Variants in GRIK3 observed in about 807,000 individuals in gnomAD.
GRIK3 encodes the protein glutamate receptor ionotropic, kainate 3.
In GRIK3, 29 loss-of-function variants were observed where a neutral mutation model predicts 102.5. That is an observed-to-expected ratio of 0.28 (90% CI 0.21 to 0.39). The LOEUF (loss-of-function observed/expected upper bound fraction) is 0.39, where lower values mean the gene tolerates loss of function less well. GRIK3 is among the 10% of genes least tolerant of loss of function. The pLI is 1.00. For missense variants in GRIK3, 908 were observed against 1,252.4 expected (o/e 0.73, Z 4.15); for synonymous variants, 511 against 504.9 (o/e 1.01, Z -0.16).
intron 1 of GRIK3, among the ~76,000 whole-genome samples, chr1:36,999,114 A>T (rs1250553495): frequency 1.3e-5 from 2 of 151,964 alleles, no homozygotes; most frequent in Non-Finnish European, 2.9e-5. Context: ...CATGGAGTAG[A>T]GTGGAAGGTT....
intron 1 of GRIK3, among the ~76,000 whole-genome samples, chr1:37,006,184 C>T (rs949106727): frequency 2.0e-5 from 3 of 152,172 alleles, no homozygotes; most frequent in Admixed American, 6.5e-5. Context: ...GGGTCTCCTG[C>T]TAAATGCACA....
At chr1:36,986,701 C>A (rs562217282) in intron 1 of GRIK3, among the ~76,000 whole-genome samples, 1 of 152,318 alleles carries the variant, frequency 6.6e-6, no homozygotes, top group South Asian at 2.1e-4. Flanking sequence ...TGAAGCACAT[C>A]TGCCAAAGCC....
chr1:36,910,106 C>A (rs1641329010), intron 1 of GRIK3, among the ~76,000 whole-genome samples: 1 of 152,176 alleles, frequency 6.6e-6, no homozygotes, highest in Non-Finnish European at 1.5e-5. Context: ...ACTCTGTGCT[C>A]TTAAATTTAG....
chr1:36,855,502 C>A (rs1219201421), intron 7 of GRIK3, among the ~76,000 whole-genome samples: 1 of 152,222 alleles, frequency 6.6e-6, no homozygotes, highest in Non-Finnish European at 1.5e-5. Flanking sequence ...CAAACTCAGG[C>A]AGTGGGGCTG....
At chr1:36,941,104 C>T (rs1641714390) in intron 1 of GRIK3, among the ~76,000 whole-genome samples, 1 of 152,104 alleles carries the variant, frequency 6.6e-6, no homozygotes, top group Non-Finnish European at 1.5e-5. Context: ...CTTCTCTATC[C>T]CAAAAATGAC....
chr1:36,876,428 C>T lies in GRIK3; in HGVS notation c.551-4059G>A, dbSNP rs191971718. ...TCTGTATGCCACCTACTGCATGCTC[C>T]GAGCTTCAGCAGCCCTATTGTGACT... On this transcript the variant is annotated intron_variant, in intron 3 of 15. Transcript: ENST00000373091. 2.2e-4 allele frequency among the ~76,000 whole-genome samples: 33 copies of T among 152,236 alleles called. 1 individual carries two copies. The South Asian group carries it at 4.6e-3, about 21-fold the overall frequency.
At chr1:36,831,151 C>T (rs572193119) in intron 10 of GRIK3, among the ~76,000 whole-genome samples, 5 of 152,222 alleles carry the variant, frequency 3.3e-5, no homozygotes, top group African/African-American at 1.2e-4. Context: ...CTGTCCCCAC[C>T]CCAGCACCTG....
intron 1 of GRIK3, among the ~76,000 whole-genome samples, chr1:36,993,858 G>C (rs544577351): frequency 6.8e-4 from 104 of 152,340 alleles, no homozygotes; most frequent in African/African-American, 2.5e-3. Flanking sequence ...ACTCACCTCT[G>C]CAGGGCAATA....
intron 10 of GRIK3, among the ~76,000 whole-genome samples, chr1:36,834,958 C>A (rs1640355350): frequency 6.6e-6 from 1 of 152,232 alleles, no homozygotes; most frequent in Non-Finnish European, 1.5e-5. Flanking sequence ...GCCTAATAGT[C>A]ACTTCCTCAG....
At chr1:36,978,677 G>A (rs1642218911) in intron 1 of GRIK3, among the ~76,000 whole-genome samples, 1 of 152,132 alleles carries the variant, frequency 6.6e-6, no homozygotes, top group African/African-American at 2.4e-5. Context: ...CTATCAACTG[G>A]GGCAAGGAGG....
chr1:36,860,541 C>T (rs907189751), intron 5 of GRIK3, among the ~76,000 whole-genome samples: 4 of 152,226 alleles, frequency 2.6e-5, no homozygotes, highest in Non-Finnish European at 4.4e-5. Context: ...AGGACCTCCT[C>T]ATCCCTTGCC....
chr1:36,799,322 TTGTC>T lies in GRIK3; in HGVS notation c.*2525_*2528del, dbSNP rs1469558765. The T allele has an allele frequency of 2.0e-5, 3 of 152,200 alleles. No individual in the cohort carries two copies. The highest frequency in any genetic ancestry group is 4.4e-5 in the Non-Finnish European group (3 of 68,082). The allele number at this position is 152,200 out of a possible 1,614,324, so 9.4% of individuals were successfully genotyped here. A position where few individuals can be genotyped will look rare whatever the true frequency, so the allele number is the denominator to read the frequency against. ...AGACCCTGGTGCCCGGCCTTCCTGA[TTGTC>T]TGTCTTTGCTTCCACTGTGACCTGG... On this transcript the variant is annotated 3_prime_UTR_variant, in exon 16 of 16. Transcript: ENST00000373091.
At chr1:36,835,636 G>A (rs1002749346) in intron 10 of GRIK3, among the ~76,000 whole-genome samples, 7 of 152,160 alleles carry the variant, frequency 4.6e-5, no homozygotes, top group African/African-American at 9.7e-5. Flanking sequence ...AGGCTCCCAG[G>A]CTGAGACATT....
chr1:36,808,833 A>G (rs2124180586), intron 13 of GRIK3, among the ~76,000 whole-genome samples: 1 of 152,354 alleles, frequency 6.6e-6, no homozygotes, highest in Middle Eastern at 3.4e-3. Context: ...ACATAGTCAC[A>G]TAAGCGACTT....
intron 1 of GRIK3, among the ~76,000 whole-genome samples, chr1:36,995,771 C>T (rs916721264): frequency 6.6e-6 from 1 of 152,208 alleles, no homozygotes; most frequent in African/African-American, 2.4e-5. Context: ...CCGTCTCAGG[C>T]CATGGAACCC....
chr1:37,029,695 G>A (rs1642800414), intron 1 of GRIK3, among the ~76,000 whole-genome samples: 1 of 152,236 alleles, frequency 6.6e-6, no homozygotes, highest in Admixed American at 6.5e-5. Flanking sequence ...ACTGTTTCCT[G>A]GGACAGGCAC....
At position 37,017,725 on chromosome 1, in the gene GRIK3, G is replaced by GT. The variant is rs1460079163; in HGVS notation, c.115+16268dup. Among the ~76,000 whole-genome samples the GT allele has an allele frequency of 1.5e-4, 23 of 152,216 alleles. No individual in the cohort carries two copies. The South Asian group carries it at 3.9e-3, about 26-fold the overall frequency. ...TAGCCAGCTTTGCTTGCTTTTAGCT[G>GT]TTTTTTTAAAAAGACTCTCTCCAAC... On this transcript the variant is annotated intron_variant, in intron 1 of 15. Coordinates refer to ENST00000373091, the MANE Select transcript of GRIK3 (RefSeq NM_000831.4).
chr1:36,966,772 C>A (rs544931633), intron 1 of GRIK3, among the ~76,000 whole-genome samples: 3 of 151,906 alleles, frequency 2.0e-5, no homozygotes, highest in Non-Finnish European at 4.4e-5. Context: ...ACCACCCCCC[C>A]AACCCCTTGG....
rs190639347 is a variant in GRIK3 at position 37,010,903 on chromosome 1, G to A, written c.115+23091C>T. ...ACTACAGGCGCCCACCACCGCGCCCGGCTAATTTTTTGTATTTTTAGTAGA... is the reference window on the plus strand; with the variant it reads ...ACTACAGGCGCCCACCACCGCGCCCAGCTAATTTTTTGTATTTTTAGTAGA... On this transcript the variant is annotated intron_variant, in intron 1 of 15. Transcript: ENST00000373091. Among the ~76,000 whole-genome samples, 985 of 152,036 alleles carry A rather than the reference G, an allele frequency of 6.5e-3. 4 individuals carry two copies. The highest frequency in any genetic ancestry group is 0.01 in the Non-Finnish European group (706 of 67,962).
Sources: allele counts gnomAD v4.1 joint callset (sites outside exome capture counted in the v4.1 genomes callset), GRCh38; gene constraint gnomAD v4.1.1; transcripts MANE v1.5; gene names NCBI Gene and HGNC (gene_info 2026-07-23, HGNC 2026-07-21).